Variants in EPHA6 observed in about 807,000 individuals in gnomAD.
EPHA6 encodes ephrin type-A receptor 6.
EPHA6 carries 50 observed loss-of-function variants against 112.0 expected under a neutral mutation model. The ratio of observed to expected loss-of-function variants is 0.45; its 90% CI spans 0.36 to 0.56. EPHA6 has a LOEUF of 0.56. Among genes scored for constraint, EPHA6 ranks in the 20% least tolerant of loss-of-function variants. The pLI is 0.00. For synonymous variants in EPHA6, 529 were observed against 490.7 expected, an observed-to-expected ratio of 1.08 and a Z score of -1.03; for missense variants, 1,280 against 1,417.4, an observed-to-expected ratio of 0.90 and a Z score of 1.56.
chr3:96,984,674 G>T (rs1381887543), intron 2 of EPHA6, among the ~76,000 whole-genome samples: 1 of 152,190 alleles, frequency 6.6e-6, no homozygotes, highest in African/African-American at 2.4e-5. Flanking sequence ...AGGCAGGCAG[G>T]CCTCCTTGAG....
At chr3:97,641,343 C>A (rs1220676181) in intron 14 of EPHA6, among the ~76,000 whole-genome samples, 4 of 152,160 alleles carry the variant, frequency 2.6e-5, no homozygotes, top group Non-Finnish European at 5.9e-5. Flanking sequence ...TAGTTAGAAA[C>A]CTGCCTACTG....
chr3:97,222,258 G>A (rs564616086), intron 3 of EPHA6, among the ~76,000 whole-genome samples: 2 of 152,124 alleles, frequency 1.3e-5, no homozygotes, highest in East Asian at 3.9e-4. Flanking sequence ...GAATGTGAGT[G>A]CCTCAATAAT....
intron 2 of EPHA6, among the ~76,000 whole-genome samples, chr3:96,921,630 G>A (rs1159954398): frequency 6.7e-6 from 1 of 149,800 alleles, no homozygotes; most frequent in Non-Finnish European, 1.5e-5. Context: ...GTGCAGTTGT[G>A]TGATTCCAGC....
At chr3:97,322,672 T>G (rs903281893) in intron 5 of EPHA6, among the ~76,000 whole-genome samples, 10 of 152,036 alleles carry the variant, frequency 6.6e-5, no homozygotes, top group African/African-American at 2.4e-4. Context: ...AAAACAAGAT[T>G]TATTCTGTAT....
rs574130372 is a variant in EPHA6, at chr3:97,215,620, A to T, written c.1115-10644A>T. On this transcript the variant is annotated intron_variant, in intron 3 of 17. Coordinates refer to ENST00000389672, the MANE Select transcript of EPHA6 (RefSeq NM_001080448.3). ...GAGCAAACTTTGTCTCAAAAAAAAA[A>T]AAAAATAGAAAATTAGTGATATTTC... Among the ~76,000 whole-genome samples the T allele has an allele frequency of 1.4e-4, 22 of 152,176 alleles. No homozygotes were observed. The South Asian group carries it at 4.4e-3, about 30-fold the overall frequency.
At chr3:97,362,905 T>A (rs942792615) in intron 5 of EPHA6, among the ~76,000 whole-genome samples, 32 of 151,676 alleles carry the variant, frequency 2.1e-4, no homozygotes, top group African/African-American at 7.5e-4. Flanking sequence ...TTATTAAGAT[T>A]ACTGCAATGC....
intron 4 of EPHA6, among the ~76,000 whole-genome samples, chr3:97,237,814 A>T (rs916711086): frequency 1.3e-5 from 2 of 152,008 alleles, no homozygotes; most frequent in Non-Finnish European, 2.9e-5. Context: ...GAAAAAGGCC[A>T]TATGTCAGTG....
At chr3:96,994,270 T>G (rs373967064) in intron 3 of EPHA6, 5 of 356,912 alleles carry the variant, frequency 1.4e-5, no homozygotes, top group African/African-American at 1.0e-4. Flanking sequence ...CTTTCAAATC[T>G]CAGCTGATAT....
intron 3 of EPHA6, among the ~76,000 whole-genome samples, chr3:97,144,412 A>AT (rs2075988423): frequency 1.3e-5 from 2 of 150,862 alleles, no homozygotes; most frequent in African/African-American, 4.8e-5. Flanking sequence ...ACCCCAGCTC[A>AT]TTTTTTACCA....
At chr3:97,330,407 G>T (rs1330103415) in intron 5 of EPHA6, among the ~76,000 whole-genome samples, 1 of 152,082 alleles carries the variant, frequency 6.6e-6, no homozygotes, top group African/African-American at 2.4e-5. Context: ...ATTACCTTGG[G>T]CAATATGGCC....
At chr3:97,101,503 C>T (rs915543076) in intron 3 of EPHA6, among the ~76,000 whole-genome samples, 6 of 151,916 alleles carry the variant, frequency 3.9e-5, no homozygotes, top group African/African-American at 1.4e-4. Flanking sequence ...GTGGGAATAA[C>T]CCAAAAGGCC....
At chr3:96,914,550 C>G (rs920263239) in intron 2 of EPHA6, among the ~76,000 whole-genome samples, 2 of 152,110 alleles carry the variant, frequency 1.3e-5, no homozygotes, top group African/African-American at 4.8e-5. Context: ...AGAGACGAAG[C>G]GTTCCGAATA....
intron 15 of EPHA6, among the ~76,000 whole-genome samples, chr3:97,732,019 C>A (rs1033964079): frequency 3.3e-5 from 5 of 151,960 alleles, no homozygotes; most frequent in African/African-American, 1.2e-4. Flanking sequence ...TCCTTTGACT[C>A]CCCAGTGCAC....
At chr3:97,215,895 T>C (rs181109345) in intron 3 of EPHA6, among the ~76,000 whole-genome samples, 5 of 152,358 alleles carry the variant, frequency 3.3e-5, no homozygotes, top group Admixed American at 2.0e-4. Flanking sequence ...AAAAGCTTTT[T>C]GTTAAACATA....
intron 15 of EPHA6, among the ~76,000 whole-genome samples, chr3:97,724,873 G>A (rs2034688857): frequency 6.6e-6 from 1 of 151,966 alleles, no homozygotes. Context: ...CAAATAGAAT[G>A]TAGACTCATC....
intron 7 of EPHA6, among the ~76,000 whole-genome samples, chr3:97,454,675 T>G (rs1426684855): frequency 6.6e-6 from 1 of 151,910 alleles, no homozygotes; most frequent in Non-Finnish European, 1.5e-5. Context: ...ATGACGATTT[T>G]GTTGTTAACA....
intron 13 of EPHA6, among the ~76,000 whole-genome samples, chr3:97,615,811 C>A (rs1196066980): frequency 1.3e-5 from 2 of 152,160 alleles, no homozygotes; most frequent in Non-Finnish European, 2.9e-5. Flanking sequence ...TCCAGCCCAA[C>A]AGAGATTTGA....
intron 3 of EPHA6, among the ~76,000 whole-genome samples, chr3:97,039,842 G>A (rs1369939761): frequency 1.3e-5 from 2 of 151,856 alleles, no homozygotes; most frequent in African/African-American, 4.8e-5. Flanking sequence ...TAATATAATT[G>A]GACACTGAGC....
intron 5 of EPHA6, among the ~76,000 whole-genome samples, chr3:97,371,301 C>A (rs1299246918): frequency 2.6e-5 from 4 of 151,982 alleles, no homozygotes; most frequent in African/African-American, 9.7e-5. Flanking sequence ...AAGTCAGGGA[C>A]CCTGAACAGA....
Sources: gnomAD v4.1 joint callset for allele counts (sites outside exome capture counted in the v4.1 genomes callset) on GRCh38, gnomAD v4.1.1 for gene constraint, MANE v1.5 for transcripts, NCBI Gene and HGNC (gene_info 2026-07-23, HGNC 2026-07-21) for gene names.